The following DOP1B variants were observed in gnomAD, a reference collection of about 807,000 sequenced individuals.
DOP1B encodes the protein DOP1 leucine zipper like protein B, also known as protein DOP1B.
In DOP1B, 174 loss-of-function variants were observed where a neutral mutation model predicts 233.5. That is an observed-to-expected ratio of 0.75 (90% CI 0.66 to 0.85). The LOEUF (loss-of-function observed/expected upper bound fraction) is 0.85. Ranked by LOEUF, DOP1B falls within the 40% of genes least tolerant of loss-of-function variation. DOP1B has a pLI of 0.00. For missense variants in DOP1B, 2,652 were observed against 2,846.6 expected (o/e 0.93, Z 1.56); for synonymous variants, 1,190 against 1,185.6 (o/e 1.00, Z -0.08).
chr21:36,187,467 G>T (rs2066177577), intron 2 of DOP1B, among the ~76,000 whole-genome samples: 2 of 150,866 alleles, frequency 1.3e-5, no homozygotes, highest in African/African-American at 4.9e-5. Context: ...GCTAATTTTT[G>T]TTTTTTTTTA....
At chr21:36,292,256 CTTT>C (rs55884666) in intron 36 of DOP1B, 23 bp downstream of exon 36, 1,577 of 1,328,064 alleles carry the variant, frequency 1.2e-3, no homozygotes, top group Admixed American at 3.0e-3. Flanking sequence ...CTTTTCTTTT[CTTT>C]TTTTTTTTTT....
chr21:36,245,624 G>A lies in DOP1B; in HGVS notation c.3644G>A (p.Arg1215Gln), dbSNP rs995184007. 8.1e-6 allele frequency: 13 copies of A among 1,613,310 alleles called. No homozygotes were observed. Among genetic ancestry groups the A allele is most frequent in the African/African-American group, 6.7e-5 (5 of 74,916 alleles). ...LTTSRLLKQQRERQEAVEALF... is the reference protein window; with the variant it reads ...LTTSRLLKQQQERQEAVEALF... ...ACATCCAGGCTGCTAAAGCAGCAGCGGGAAAGGCAGGAGGCCGTCGAGGCC... is the reference window on the plus strand; with the variant it reads ...ACATCCAGGCTGCTAAAGCAGCAGCAGGAAAGGCAGGAGGCCGTCGAGGCC... The change falls in exon 19 of 37, where the codon CGG (arginine) becomes CAG (glutamine). Residue 1215 changes from arginine (R) to glutamine (Q), a missense_variant. Physicochemically the swap from Arg to Gln is conservative, Grantham distance 43. Around this residue, in one of 3 missense-constraint regions of DOP1B, gnomAD observed 2,617 missense variants for 2,794.3 expected, o/e 0.94. Transcript: ENST00000691173. The surrounding 1 kb of genome is among the most constrained non-coding windows in gnomAD (Gnocchi z 5.5).
At chr21:36,157,587 A>AT (rs148394810) in intron 1 of DOP1B, among the ~76,000 whole-genome samples, 5,034 of 152,154 alleles carry the variant, frequency 0.033, 189 homozygotes, top group African/African-American at 0.094. Context: ...CTTTGCTAGG[A>AT]TTTTTTTGGT....
chr21:36,185,671 C>T (rs7281706), intron 2 of DOP1B, among the ~76,000 whole-genome samples: 3,075 of 152,212 alleles, frequency 0.02, 75 homozygotes, highest in African/African-American at 0.066. Context: ...GCTGTGCCAT[C>T]GCAAAAGAAT....
At chr21:36,180,325 T>C (rs1455064033) in intron 2 of DOP1B, among the ~76,000 whole-genome samples, 1 of 151,790 alleles carries the variant, frequency 6.6e-6, no homozygotes, top group Non-Finnish European at 1.5e-5. Context: ...TCCCAGGGCT[T>C]TGGGAGGCTG....
chr21:36,254,052 T>C (rs1169327123), intron 23 of DOP1B, 143 bp downstream of exon 23: 1 of 1,055,842 alleles, frequency 9.5e-7, no homozygotes, highest in Non-Finnish European at 1.3e-6. Flanking sequence ...GAAGTGGAGG[T>C]GCTGTTTGCT....
chr21:36,273,995 G>A (rs1048774008), intron 27 of DOP1B, among the ~76,000 whole-genome samples: 32 of 152,028 alleles, frequency 2.1e-4, no homozygotes, highest in African/African-American at 7.0e-4. Context: ...GGAGAATGGC[G>A]TGAACCAGGG....
rs112552482 is a variant in DOP1B at position 36,221,794 on chromosome 21, C to T, written c.1251-1437C>T. Among the ~76,000 whole-genome samples the T allele has an allele frequency of 1.0e-2, 1,517 of 151,784 alleles. 18 individuals are homozygous for T. Among genetic ancestry groups the T allele is most frequent in the African/African-American group, 0.035 (1,437 of 41,424 alleles). ...GTTTTCACCATGTTGGCCAGGCTGGCCTCGAATTCCTGACCTCGTGATCCA... is the reference window on the plus strand; with the variant it reads ...GTTTTCACCATGTTGGCCAGGCTGGTCTCGAATTCCTGACCTCGTGATCCA... On this transcript the variant is annotated intron_variant, in intron 10 of 36. Transcript: ENST00000691173.
chr21:36,201,771 G>A (rs527412528), intron 4 of DOP1B, among the ~76,000 whole-genome samples: 1 of 152,274 alleles, frequency 6.6e-6, no homozygotes, highest in South Asian at 2.1e-4. Flanking sequence ...ATCTTGACAG[G>A]TTTCAGTAGC....
At chr21:36,184,010 C>G (rs1019457336) in intron 2 of DOP1B, among the ~76,000 whole-genome samples, 1 of 150,532 alleles carries the variant, frequency 6.6e-6, no homozygotes, top group Non-Finnish European at 1.5e-5. Context: ...ACTACAGGTG[C>G]GTGCCACCAC....
intron 26 of DOP1B, among the ~76,000 whole-genome samples, chr21:36,268,026 C>T (rs36067440): frequency 0.14 from 20,844 of 152,102 alleles, 1,547 homozygotes; most frequent in South Asian, 0.26. Context: ...CAGCGGTGCA[C>T]GTATTGTCTT....
intron 1 of DOP1B, among the ~76,000 whole-genome samples, chr21:36,162,082 T>A (rs551161755): frequency 6.6e-6 from 1 of 152,356 alleles, no homozygotes; most frequent in South Asian, 2.1e-4. Context: ...ATTCCTATAG[T>A]TCTGGAGGCT....
chr21:36,246,796 GT>G lies in DOP1B; in HGVS notation c.4697+122del. The G allele has an allele frequency of 8.0e-7, 1 of 1,249,274 alleles. No individual in the cohort carries two copies. The highest frequency in any genetic ancestry group is 1.1e-6 in the Non-Finnish European group (1 of 912,218). 77.4% of individuals were successfully genotyped at this position (1,249,274 alleles called of 1,614,324 possible). A position where few individuals can be genotyped will look rare whatever the true frequency, so the allele number is the denominator to read the frequency against. ...ATAATTTCATCCCAATGAGAAGCCT[GT>G]TTAGCATTATCAAGAGGGGTAACAA... On this transcript the variant is annotated intron_variant, in intron 19 of 36. Transcript: ENST00000691173. This position sits in a 1 kb window ranked among gnomAD's most constrained non-coding sequence, Gnocchi z 5.1.
At chr21:36,268,535 C>T (rs531688218) in intron 26 of DOP1B, among the ~76,000 whole-genome samples, 9 of 152,244 alleles carry the variant, frequency 5.9e-5, no homozygotes, top group South Asian at 4.1e-4. Flanking sequence ...ACATCCTCAG[C>T]TTATGAAGAT....
chr21:36,178,907 A>G (rs1001015734), intron 2 of DOP1B, among the ~76,000 whole-genome samples: 2 of 152,228 alleles, frequency 1.3e-5, no homozygotes, highest in African/African-American at 4.8e-5. Context: ...CACAATCAAG[A>G]CAATGAGCAT....
At chr21:36,197,131 A>G (rs865860060) in intron 2 of DOP1B, among the ~76,000 whole-genome samples, 2 of 151,914 alleles carry the variant, frequency 1.3e-5, no homozygotes, top group Admixed American at 6.6e-5. Context: ...ACAGGGTTTC[A>G]TCATGTTGGC....
chr21:36,252,896 C>A (rs1291700153), intron 22 of DOP1B, among the ~76,000 whole-genome samples: 5 of 152,200 alleles, frequency 3.3e-5, no homozygotes, highest in Non-Finnish European at 7.3e-5. Context: ...AACCTCAATC[C>A]TCTTCCTTTG....
At position 36,225,655 on chromosome 21, in the gene DOP1B, T is replaced by G. The variant is rs1035428487; in HGVS notation, c.1461T>G (p.Asp487Glu). 1 of 1,614,074 alleles carries G rather than the reference T, an allele frequency of 6.2e-7. No homozygotes were observed. Among genetic ancestry groups the G allele is most frequent in the Non-Finnish European group, 8.5e-7 (1 of 1,180,038 alleles). ...ELCALLVFLLDVIPLELYSEV... is the reference protein window; with the variant it reads ...ELCALLVFLLEVIPLELYSEV... ...GCGCCCTCCTGGTCTTCCTGCTGGA[T>G]GTCATTCCTTTGGTGAGTGCTGGGG... Residue 487 changes from aspartate (D) to glutamate (E), a missense_variant, in exon 12 of 37, where the codon GAT becomes GAG. Coordinates refer to ENST00000691173, the MANE Select transcript of DOP1B (RefSeq NM_001320714.2).
In DOP1B at chr21:36,260,682, G is replaced by T; in HGVS notation, c.5265G>T (p.Ser1755=). ...PPQVKGGDEK[S]PLVDIPVLQF... ...GGTTTTACTTTCATTTTCAGAAATC[G>T]CCCCTAGTGGACATTCCTGTGTTGC... Residue 1755 remains serine, a synonymous_variant, in exon 24 of 37, where the codon TCG becomes TCT. Coordinates refer to ENST00000691173, the MANE Select transcript of DOP1B (RefSeq NM_001320714.2). 6.2e-7 allele frequency: 1 copy of T among 1,613,698 alleles called. No individual in the cohort carries two copies. The highest frequency in any genetic ancestry group is 8.5e-7 in the Non-Finnish European group (1 of 1,179,896).
Sources: allele counts gnomAD v4.1 joint callset (sites outside exome capture counted in the v4.1 genomes callset), GRCh38; gene constraint gnomAD v4.1.1; regional missense constraint gnomAD v4.1.1; non-coding constraint Gnocchi (gnomAD v3.1); transcripts MANE v1.5; gene names NCBI Gene and HGNC (gene_info 2026-07-23, HGNC 2026-07-21).